Variants in DOT1L observed in about 807,000 individuals in gnomAD.
The protein encoded by DOT1L is histone-lysine N-methyltransferase, H3 lysine-79 specific.
DOT1L carries 33 observed loss-of-function variants against 153.3 expected under a neutral mutation model. That is an observed-to-expected ratio of 0.22 (90% CI 0.16 to 0.29). The LOEUF is 0.29. Ranked by LOEUF, DOT1L falls within the 10% of genes least tolerant of loss-of-function variation. The pLI is 1.00. For missense variants in DOT1L, 1,847 were observed against 2,119.9 expected, an observed-to-expected ratio of 0.87 and a Z score of 2.53; for synonymous variants, 1,135 against 965.1, an observed-to-expected ratio of 1.18 and a Z score of -3.26.
At chr19:2,196,191 CAG>C (rs1020576442) in intron 7 of DOT1L, among the ~76,000 whole-genome samples, 10 of 152,252 alleles carry the variant, frequency 6.6e-5, no homozygotes, top group African/African-American at 1.9e-4. Context: ...AGGCCGGTGT[CAG>C]GGTGCAGGGC....
intron 5 of DOT1L, among the ~76,000 whole-genome samples, chr19:2,192,417 C>T (rs1262970602): frequency 6.6e-6 from 1 of 152,200 alleles, no homozygotes; most frequent in East Asian, 1.9e-4. Context: ...CCTGTAATCC[C>T]AGCACTTTGG....
At chr19:2,228,017 T>G (rs898331902) in intron 27 of DOT1L, 14 of 1,179,602 alleles carry the variant, frequency 1.2e-5, no homozygotes, top group African/African-American at 7.2e-5. Context: ...CCGCCTTGCC[T>G]CCTCCCCCAA....
rs913425713 is a variant in DOT1L at position 2,197,597 on chromosome 19, C to T, written c.652-2287C>T. 1.6e-4 allele frequency among the ~76,000 whole-genome samples: 24 copies of T among 152,182 alleles called. No individual in the cohort carries two copies. Among genetic ancestry groups the T allele is most frequent in the Non-Finnish European group, 1.8e-4 (12 of 68,030 alleles). On this transcript the variant is annotated intron_variant, in intron 7 of 27. Transcript: ENST00000398665. This position sits in a 1 kb window ranked among gnomAD's most constrained non-coding sequence, Gnocchi z 4.1. ...ATGACACGGCTGAGCAGCATGGTGT[C>T]TAGTGTGGCACAGGTGCTCCTGGCA...
Position 2,211,781 on chromosome 19 carries a change from T to A in DOT1L, c.1496T>A (p.Leu499Gln). ...ESFKIQYLQFLAYTKTPQYKA... is the reference protein window; with the variant it reads ...ESFKIQYLQFQAYTKTPQYKA... The stretch of plus-strand genomic sequence containing the variant: ...TTCAAGATCCAGTACCTGCAGTTCC[T>A]GGCATACACAAAGACCCCCCAGTAC... The change falls in exon 16 of 28, where the codon CTG becomes CAG. Residue 499 changes from leucine to glutamine, a missense_variant. Around this residue, in one of 8 missense-constraint regions of DOT1L, gnomAD observed 156 missense variants for 235.7 expected, o/e 0.66. Transcript: ENST00000398665. 1 of 1,571,582 alleles carries A rather than the reference T, an allele frequency of 6.4e-7. No homozygotes were observed. Among genetic ancestry groups the A allele is most frequent in the Admixed American group, 1.9e-5 (1 of 53,492 alleles).
chr19:2,227,237 C>A (rs758308305), intron 27 of DOT1L, 110 bp downstream of exon 27: 15 of 1,403,132 alleles, frequency 1.1e-5, no homozygotes, highest in Non-Finnish European at 1.4e-5. Flanking sequence ...GCTGCAGGTC[C>A]CCTGGTGCCG....
intron 27 of DOT1L, chr19:2,229,442 C>T (rs2077532537): frequency 1.0e-6 from 1 of 985,346 alleles, no homozygotes; most frequent in Admixed American, 6.1e-5. Context: ...GGCTGGTCAG[C>T]CTGGCGGGTC....
At chr19:2,179,764 A>T (rs1350975224) in intron 1 of DOT1L, among the ~76,000 whole-genome samples, 1 of 152,020 alleles carries the variant, frequency 6.6e-6, no homozygotes, top group Non-Finnish European at 1.5e-5. Flanking sequence ...CCGAGATTGC[A>T]CCACTTCACT....
Position 2,231,772 on chromosome 19 carries a change from T to G in DOT1L, c.*1980T>G, listed in dbSNP as rs2024608420. On this transcript the variant is annotated 3_prime_UTR_variant, in exon 28 of 28. Transcript: ENST00000398665. ...AGAACAAGACACATTCTTTAAACACTGTATTACTTCTGCCTCCCTCTAGGT... is the reference window on the plus strand; with the variant it reads ...AGAACAAGACACATTCTTTAAACACGGTATTACTTCTGCCTCCCTCTAGGT... The G allele has an allele frequency of 4.7e-6, 1 of 214,086 alleles. No individual in the cohort carries two copies. Among genetic ancestry groups the G allele is most frequent in the Admixed American group, 5.9e-5 (1 of 17,052 alleles). The allele number at this position is 214,086 out of a possible 1,614,324, so 13.3% of individuals were successfully genotyped here.
Position 2,193,829 on chromosome 19 carries a change from C to A in DOT1L, c.588+46C>A. 1 of 1,590,598 alleles carries A rather than the reference C, an allele frequency of 6.3e-7. No individual in the cohort carries two copies. The highest frequency in any genetic ancestry group is 8.6e-7 in the Non-Finnish European group (1 of 1,164,142). On this transcript the variant is annotated intron_variant, in intron 6 of 27. Coordinates refer to ENST00000398665, the MANE Select transcript of DOT1L (RefSeq NM_032482.3). The surrounding 1 kb of genome is among the most constrained non-coding windows in gnomAD (Gnocchi z 5.9). ...GGGTGTGTTGGAGGCAGGGGACCAT[C>A]AGAGAAAGTGACGCCCTGGGTGCCT...
chr19:2,197,016 TGGTC>T lies in DOT1L; in HGVS notation c.651+2442_651+2445del, dbSNP rs1360355474. Among the ~76,000 whole-genome samples the T allele has an allele frequency of 3.9e-5, 6 of 152,214 alleles. No homozygotes were observed. Among genetic ancestry groups the T allele is most frequent in the Admixed American group, 3.9e-4 (6 of 15,290 alleles). On this transcript the variant is annotated intron_variant, in intron 7 of 27. Transcript: ENST00000398665. This position sits in a 1 kb window ranked among gnomAD's most constrained non-coding sequence, Gnocchi z 4.1. The stretch of plus-strand genomic sequence containing the variant: ...TTTCCAGTGCTGAACGCGTCCGCCT[TGGTC>T]GGCGTGCGATTCTGTTTATCCAAGG...
intron 27 of DOT1L, chr19:2,229,165 G>C: frequency 1.0e-6 from 1 of 985,468 alleles, no homozygotes; most frequent in Non-Finnish European, 1.2e-6. Flanking sequence ...TGATTTTGAT[G>C]ATGTGAGGCC....
rs2144934160 is a variant in DOT1L at position 2,226,681 on chromosome 19, AGGAGGCAGG to A, written c.4166_4174del (p.Ala1389_Glu1391del). 6.3e-7 allele frequency: 1 copy of A among 1,576,950 alleles called. No homozygotes were observed. The highest frequency in any genetic ancestry group is 2.3e-5 in the East Asian group (1 of 43,732). On this transcript the variant is annotated inframe_deletion, in exon 27 of 28. Coordinates refer to ENST00000398665, the MANE Select transcript of DOT1L (RefSeq NM_032482.3). ...CTGAAGGGCGAGGGCAGCCGCGGCA[AGGAGGCAGG>A]GGAGGGCGGCCTACCGCTGTGCGGG... is the stretch of plus-strand genomic sequence containing the variant.
chr19:2,209,034 A>G, intron 12 of DOT1L, 58 bp downstream of exon 12: 2 of 1,581,812 alleles, frequency 1.3e-6, no homozygotes, highest in African/African-American at 1.4e-5. Flanking sequence ...ATGTGGGGAA[A>G]TGCAAAGCCG....
At chr19:2,227,201 C>T (rs1568373940) in intron 27 of DOT1L, 74 bp downstream of exon 27, 1 of 1,553,744 alleles carries the variant, frequency 6.4e-7, no homozygotes, top group Admixed American at 1.7e-5. Flanking sequence ...AGGTTCCCTT[C>T]CGCACTCTCT....
At chr19:2,188,306 C>T (rs569600025) in intron 3 of DOT1L, 1 of 151,422 alleles carries the variant, frequency 6.6e-6, no homozygotes, top group East Asian at 2.0e-4. Context: ...TCAGGGTGGC[C>T]AGGGCAGGGC....
At chr19:2,227,396 C>CT (rs1568374371) in intron 27 of DOT1L, 1 of 691,518 alleles carries the variant, frequency 1.4e-6, no homozygotes. Flanking sequence ...CAGAGCATTA[C>CT]TTTCTCCCGT....
chr19:2,203,248 T>C (rs769192215), intron 9 of DOT1L, among the ~76,000 whole-genome samples: 6 of 152,196 alleles, frequency 3.9e-5, no homozygotes, highest in Non-Finnish European at 8.8e-5. Flanking sequence ...TACAGGCACA[T>C]GCCACCATGC....
At position 2,210,460 on chromosome 19, in the gene DOT1L, C is replaced by T; in HGVS notation, c.1066C>T (p.Pro356Ser). 6.3e-7 allele frequency: 1 copy of T among 1,588,450 alleles called. No homozygotes were observed. The highest frequency in any genetic ancestry group is 8.5e-7 in the Non-Finnish European group (1 of 1,170,606). ...CGAGAGCAAGAGCAACGCGGCCACG[C>T]CCACTAAGGGCCCAGAGGGCAAGGT... ...QRESKSNAAT[P>S]TKGPEGKVAG... The change falls in exon 13 of 28, where the codon CCC (proline) becomes TCC (serine). Residue 356 changes from proline (P) to serine (S), a missense_variant. Coordinates refer to ENST00000398665, the MANE Select transcript of DOT1L (RefSeq NM_032482.3).
At chr19:2,184,875 C>G (rs1446928770) in intron 2 of DOT1L, among the ~76,000 whole-genome samples, 2 of 152,152 alleles carry the variant, frequency 1.3e-5, no homozygotes, top group Non-Finnish European at 1.5e-5. Flanking sequence ...GGTTTCCTCA[C>G]GTTTTTAAGG....
Sources: allele counts gnomAD v4.1 joint callset (sites outside exome capture counted in the v4.1 genomes callset), GRCh38; gene constraint gnomAD v4.1.1; regional missense constraint gnomAD v4.1.1; non-coding constraint Gnocchi (gnomAD v3.1); transcripts MANE v1.5; gene names NCBI Gene and HGNC (gene_info 2026-07-23, HGNC 2026-07-21).